The following WDR70 variants were observed in gnomAD, a reference collection of about 807,000 sequenced individuals.
WDR70 encodes the protein WD repeat domain 70.
WDR70 carries 53 observed loss-of-function variants against 88.6 expected under a neutral mutation model. The ratio of observed to expected loss-of-function variants is 0.60; its 90% CI spans 0.48 to 0.75. The LOEUF (loss-of-function observed/expected upper bound fraction) is 0.75. WDR70 is among the 30% of genes least tolerant of loss of function. The pLI, the probability that WDR70 is intolerant of heterozygous loss-of-function variation, is 0.00. For synonymous variants in WDR70, 280 were observed against 270.0 expected (o/e 1.04, Z -0.36); for missense variants, 610 against 823.2 (o/e 0.74, Z 3.17).
At chr5:37,625,410 T>C (rs778920311) in intron 10 of WDR70, among the ~76,000 whole-genome samples, 12 of 152,222 alleles carry the variant, frequency 7.9e-5, no homozygotes, top group Non-Finnish European at 1.8e-4. Context: ...AGTTTTGATT[T>C]GCACTTCCCT....
chr5:37,611,958 A>G (rs1400138825), intron 10 of WDR70, among the ~76,000 whole-genome samples: 3 of 152,080 alleles, frequency 2.0e-5, no homozygotes, highest in Non-Finnish European at 4.4e-5. Context: ...AATGGTTAAG[A>G]CTGTGCTTGC....
chr5:37,698,480 T>A (rs1747047584), intron 11 of WDR70, among the ~76,000 whole-genome samples: 1 of 139,978 alleles, frequency 7.1e-6, no homozygotes, highest in Non-Finnish European at 1.6e-5. Flanking sequence ...AAATATCACA[T>A]AAGGAAAAGA....
chr5:37,631,848 G>A (rs9292664), intron 10 of WDR70, among the ~76,000 whole-genome samples: 2,923 of 152,274 alleles, frequency 0.019, 86 homozygotes, highest in African/African-American at 0.066. Flanking sequence ...TGGAGGATCT[G>A]TCTCATATAG....
intron 9 of WDR70, among the ~76,000 whole-genome samples, chr5:37,598,696 G>A (rs1433955768): frequency 2.6e-5 from 4 of 152,160 alleles, no homozygotes; most frequent in Admixed American, 6.5e-5. Context: ...CCTAAAAAAT[G>A]GATGCTAAAG....
chr5:37,630,709 C>T (rs1364771164), intron 10 of WDR70, among the ~76,000 whole-genome samples: 2 of 152,162 alleles, frequency 1.3e-5, no homozygotes, highest in East Asian at 3.9e-4. Flanking sequence ...TTGTGACATT[C>T]ATATATAATG....
intron 9 of WDR70, among the ~76,000 whole-genome samples, chr5:37,562,446 C>CTT (rs764940127): frequency 4.5e-4 from 52 of 115,542 alleles, no homozygotes; most frequent in African/African-American, 7.7e-4. Flanking sequence ...GCTTAATTCT[C>CTT]TTTTTTTTTT....
Position 37,433,569 on chromosome 5 carries a change from A to G in WDR70, c.493-4353A>G, listed in dbSNP as rs58448293. ...TTATATAAAAATGGCATAGTGCTGT[A>G]TATGTATAACACATACACCCTTGCT... On this transcript the variant is annotated intron_variant, in intron 5 of 17. Transcript: ENST00000265107. Among the ~76,000 whole-genome samples, 1,220 of 152,304 alleles carry G rather than the reference A, an allele frequency of 8.0e-3. 20 individuals are homozygous for G. Among genetic ancestry groups the G allele is most frequent in the African/African-American group, 0.028 (1,156 of 41,560 alleles).
intron 13 of WDR70, among the ~76,000 whole-genome samples, chr5:37,710,513 A>T (rs868080860): frequency 6.6e-6 from 1 of 152,236 alleles, no homozygotes; most frequent in African/African-American, 2.4e-5. Flanking sequence ...ATATTTCCAC[A>T]GACAGGGCCA....
chr5:37,714,231 T>C (rs1581521249), intron 13 of WDR70, among the ~76,000 whole-genome samples: 1 of 152,356 alleles, frequency 6.6e-6, no homozygotes, highest in East Asian at 1.9e-4. Context: ...ATATTTCTTA[T>C]CTAGCAGTTA....
chr5:37,646,143 T>C (rs973618599), intron 10 of WDR70, among the ~76,000 whole-genome samples: 2 of 152,080 alleles, frequency 1.3e-5, no homozygotes, highest in African/African-American at 4.8e-5. Context: ...TGTTTTTTGA[T>C]TTAAGGTTAC....
intron 9 of WDR70, among the ~76,000 whole-genome samples, chr5:37,572,060 G>A (rs1172943646): frequency 6.6e-6 from 1 of 152,118 alleles, no homozygotes; most frequent in Admixed American, 6.6e-5. Flanking sequence ...TTCAGAAACT[G>A]CCCATAAATA....
intron 5 of WDR70, among the ~76,000 whole-genome samples, chr5:37,416,362 C>T (rs887335434): frequency 2.0e-5 from 3 of 152,146 alleles, no homozygotes; most frequent in African/African-American, 7.2e-5. Flanking sequence ...AATACGAAAA[C>T]CAGTCAGGCG....
chr5:37,744,443 A>G (rs947955107), intron 17 of WDR70, among the ~76,000 whole-genome samples: 1 of 152,134 alleles, frequency 6.6e-6, no homozygotes, highest in African/African-American at 2.4e-5. Context: ...ACAAATTGAC[A>G]GAGGTAGGCT....
intron 9 of WDR70, among the ~76,000 whole-genome samples, chr5:37,526,806 G>A (rs1344381166): frequency 1.3e-5 from 2 of 152,142 alleles, no homozygotes; most frequent in Non-Finnish European, 2.9e-5. Flanking sequence ...AAAAATCAAC[G>A]TGCAAAAATC....
chr5:37,636,775 T>G (rs1405982768), intron 10 of WDR70, among the ~76,000 whole-genome samples: 1 of 152,118 alleles, frequency 6.6e-6, no homozygotes, highest in Admixed American at 6.6e-5. Context: ...TCATGAGCTA[T>G]CCTAGATTGG....
chr5:37,392,189 T>G (rs1748851716), intron 4 of WDR70, 69 bp downstream of exon 4: 1 of 1,513,168 alleles, frequency 6.6e-7, no homozygotes, highest in Non-Finnish European at 8.9e-7. Context: ...TTTTTTTTTT[T>G]TTTTTAATTT....
intron 9 of WDR70, among the ~76,000 whole-genome samples, chr5:37,525,825 C>A (rs1420902623): frequency 6.6e-6 from 1 of 152,144 alleles, no homozygotes; most frequent in Non-Finnish European, 1.5e-5. Context: ...CACAGAAATA[C>A]AAACTACCAT....
chr5:37,439,485 G>A (rs1429344226), intron 6 of WDR70, among the ~76,000 whole-genome samples: 1 of 151,998 alleles, frequency 6.6e-6, no homozygotes, highest in Non-Finnish European at 1.5e-5. Flanking sequence ...TGGGTCATGA[G>A]TTTCACAAGT....
chr5:37,719,762 AT>A (rs11444231), intron 13 of WDR70, among the ~76,000 whole-genome samples: 7 of 148,388 alleles, frequency 4.7e-5, no homozygotes, highest in East Asian at 2.0e-4. Flanking sequence ...CCATTTACCT[AT>A]TTTTTTTTGG....
Sources: allele counts gnomAD v4.1 joint callset (sites outside exome capture counted in the v4.1 genomes callset), GRCh38; gene constraint gnomAD v4.1.1; transcripts MANE v1.5; gene names NCBI Gene and HGNC (gene_info 2026-07-23, HGNC 2026-07-21).